The following AAK1 variants were observed in gnomAD, a reference collection of about 807,000 sequenced individuals.
AAK1 encodes the protein AP2 associated kinase 1.
A neutral mutation model predicts 116.0 loss-of-function variants in AAK1; 37 were observed. The observed-to-expected ratio is 0.32, with a 90% CI of 0.25 to 0.42. AAK1 has a LOEUF of 0.42. Ranked by LOEUF, AAK1 falls within the 10% of genes least tolerant of loss-of-function variation. The pLI, the probability that AAK1 is intolerant of heterozygous loss-of-function variation, is 1.00. For synonymous variants in AAK1, 458 were observed against 439.9 expected (o/e 1.04, Z -0.51); for missense variants, 919 against 1,170.6 (o/e 0.79, Z 3.14).
chr2:69,559,341 T>C (rs1671535864), intron 2 of AAK1, among the ~76,000 whole-genome samples: 1 of 152,044 alleles, frequency 6.6e-6, no homozygotes, highest in African/African-American at 2.4e-5. Context: ...TTTTACATTT[T>C]GCTTTTTAGG....
chr2:69,615,885 T>C (rs532419849), intron 2 of AAK1, among the ~76,000 whole-genome samples: 2 of 152,228 alleles, frequency 1.3e-5, no homozygotes, highest in East Asian at 1.9e-4. Flanking sequence ...AATGTGTTTG[T>C]GGAATGACAA....
Position 69,468,736 on chromosome 2 carries a change from G to C in AAK1, c.*7133C>G, listed in dbSNP as rs79183006. The C allele has an allele frequency of 5.1e-6, 5 of 985,442 alleles. No individual in the cohort carries two copies. Among genetic ancestry groups the C allele is most frequent in the Middle Eastern group, 5.2e-4 (1 of 1,914 alleles). 61.0% of individuals were successfully genotyped at this position (985,442 alleles called of 1,614,324 possible). On this transcript the variant is annotated 3_prime_UTR_variant, in exon 22 of 22. Transcript: ENST00000409085. The stretch of plus-strand genomic sequence containing the variant: ...TGAACCAGGGGCACTTTGGATGCCT[G>C]AAGTGCTAGATTACATTTTGAGAAC...
chr2:69,642,604 T>C (rs1675789679), intron 2 of AAK1, among the ~76,000 whole-genome samples: 1 of 152,116 alleles, frequency 6.6e-6, no homozygotes, highest in African/African-American at 2.4e-5. Flanking sequence ...CGTTTTCTTG[T>C]GTGATCCTCA....
intron 2 of AAK1, among the ~76,000 whole-genome samples, chr2:69,559,298 A>ACACACACACT (rs1265191761): frequency 1.3e-5 from 1 of 78,282 alleles, no homozygotes. Context: ...ACACACACAC[A>ACACACACACT]CTCTCTCTCT....
At chr2:69,594,220 A>G (rs901584217) in intron 2 of AAK1, among the ~76,000 whole-genome samples, 5 of 152,208 alleles carry the variant, frequency 3.3e-5, no homozygotes, top group African/African-American at 9.7e-5. Flanking sequence ...TCTCTCCACC[A>G]TAACACATAT....
At chr2:69,580,963 T>C (rs1672517462) in intron 2 of AAK1, among the ~76,000 whole-genome samples, 1 of 152,020 alleles carries the variant, frequency 6.6e-6, no homozygotes, top group Non-Finnish European at 1.5e-5. Context: ...TTTTAAACTA[T>C]GCAAGTTTAC....
intron 5 of AAK1, among the ~76,000 whole-genome samples, chr2:69,533,970 CACAG>C (rs1239256721): frequency 6.6e-6 from 1 of 152,166 alleles, no homozygotes; most frequent in East Asian, 1.9e-4. Context: ...CACAAAGTGA[CACAG>C]TCAAGCTTCC....
At position 69,467,794 on chromosome 2, in the gene AAK1, A is replaced by C; in HGVS notation, c.*8075T>G. On this transcript the variant is annotated 3_prime_UTR_variant, in exon 22 of 22. Coordinates refer to ENST00000409085, the MANE Select transcript of AAK1 (RefSeq NM_014911.5). ...CACAGACCACAGCAGAAGAGGCATT[A>C]AAATCAGTTTATTGGGAAACCAGTC... is the stretch of plus-strand genomic sequence containing the variant. 2.0e-6 allele frequency: 2 copies of C among 985,436 alleles called. No homozygotes were observed. The highest frequency in any genetic ancestry group is 2.4e-6 in the Non-Finnish European group (2 of 829,910). The allele number at this position is 985,436 out of a possible 1,614,324, so 61.0% of individuals were successfully genotyped here.
At chr2:69,533,810 C>T (rs187896889) in intron 5 of AAK1, among the ~76,000 whole-genome samples, 68 of 152,292 alleles carry the variant, frequency 4.5e-4, no homozygotes, top group Admixed American at 7.2e-4. Context: ...CAGCCATCAA[C>T]CTGCACAGGT....
chr2:69,587,332 TATGC>T (rs1361752607), intron 2 of AAK1, among the ~76,000 whole-genome samples: 1 of 139,970 alleles, frequency 7.1e-6, no homozygotes, highest in African/African-American at 3.2e-5. Context: ...TATATACACA[TATGC>T]GTGCACACAC....
intron 2 of AAK1, among the ~76,000 whole-genome samples, chr2:69,562,023 T>C (rs1348720473): frequency 6.6e-6 from 1 of 152,252 alleles, no homozygotes; most frequent in East Asian, 1.9e-4. Context: ...TTGGGTATTA[T>C]GAATTAAACA....
chr2:69,534,825 A>G (rs922135434), intron 5 of AAK1, among the ~76,000 whole-genome samples: 1 of 152,186 alleles, frequency 6.6e-6, no homozygotes, highest in Non-Finnish European at 1.5e-5. Flanking sequence ...AATTTTGCCA[A>G]CCTTTGGTAG....
chr2:69,600,207 G>A (rs1168144514), intron 2 of AAK1, among the ~76,000 whole-genome samples: 1 of 151,598 alleles, frequency 6.6e-6, no homozygotes, highest in Admixed American at 6.6e-5. Flanking sequence ...GAGAGAACCC[G>A]ATGGCTAGAA....
intron 21 of AAK1, among the ~76,000 whole-genome samples, 184 bp from the exon 22 acceptor site, chr2:69,476,147 G>A (rs1022980678): frequency 2.0e-5 from 3 of 152,156 alleles, no homozygotes; most frequent in Non-Finnish European, 2.9e-5. Flanking sequence ...TTTGAAACAT[G>A]TAAGTTAGCT....
intron 5 of AAK1, among the ~76,000 whole-genome samples, chr2:69,537,879 G>A (rs1377217250): frequency 6.6e-6 from 1 of 152,226 alleles, no homozygotes; most frequent in Non-Finnish European, 1.5e-5. Flanking sequence ...GGACTTCTCT[G>A]CAACAATCAC....
intron 10 of AAK1, among the ~76,000 whole-genome samples, chr2:69,522,574 C>T (rs201100808): frequency 3.3e-5 from 5 of 152,242 alleles, no homozygotes; most frequent in African/African-American, 1.2e-4. Context: ...GAGGCTGAGG[C>T]GGGTGGATCA....
intron 16 of AAK1, among the ~76,000 whole-genome samples, chr2:69,499,690 A>C (rs534686500): frequency 1.7e-4 from 26 of 152,332 alleles, no homozygotes; most frequent in African/African-American, 6.0e-4. Flanking sequence ...GGATAAAATA[A>C]CTGCTTTTAA....
chr2:69,619,843 A>C (rs1375506366), intron 2 of AAK1, among the ~76,000 whole-genome samples: 1 of 152,222 alleles, frequency 6.6e-6, no homozygotes, highest in Non-Finnish European at 1.5e-5. Flanking sequence ...GAAGGAAGCC[A>C]GTATGGATAG....
At position 69,466,951 on chromosome 2, in the gene AAK1, T is replaced by C; in HGVS notation, c.*8918A>G. ...ACAGTTTTGGATTATGTAGAAACAC[T>C]GTCTGGGGATGACTCAATTCAGAAT... On this transcript the variant is annotated 3_prime_UTR_variant, in exon 22 of 22. Transcript: ENST00000409085. The C allele has an allele frequency of 1.0e-6, 1 of 985,432 alleles. No individual in the cohort carries two copies. The highest frequency in any genetic ancestry group is 1.2e-6 in the Non-Finnish European group (1 of 829,942). 61.0% of individuals were successfully genotyped at this position (985,432 alleles called of 1,614,324 possible).
Sources: gnomAD v4.1 joint callset for allele counts (sites outside exome capture counted in the v4.1 genomes callset) on GRCh38, gnomAD v4.1.1 for gene constraint, MANE v1.5 for transcripts, NCBI Gene and HGNC (gene_info 2026-07-23, HGNC 2026-07-21) for gene names.